Variants in SLC39A8 observed in about 807,000 individuals in gnomAD.
The protein encoded by SLC39A8 is metal cation symporter ZIP8.
In SLC39A8, 15 loss-of-function variants were observed where a neutral mutation model predicts 40.4. The ratio of observed to expected loss-of-function variants is 0.37; its 90% CI spans 0.25 to 0.57. SLC39A8 has a LOEUF of 0.57. SLC39A8 is among the 20% of genes least tolerant of loss of function. SLC39A8 has a pLI of 0.75. For synonymous variants in SLC39A8, 223 were observed against 221.6 expected, an observed-to-expected ratio of 1.01 and a Z score of -0.06; for missense variants, 472 against 558.8, an observed-to-expected ratio of 0.84 and a Z score of 1.57.
chr4:102,332,534 G>A (rs1735510659), intron 2 of SLC39A8, among the ~76,000 whole-genome samples: 1 of 152,224 alleles, frequency 6.6e-6, no homozygotes, highest in Non-Finnish European at 1.5e-5. Flanking sequence ...GAGAGGATGT[G>A]GAGAAATGGG....
intron 2 of SLC39A8, among the ~76,000 whole-genome samples, chr4:102,334,314 T>C (rs775244063): frequency 6.6e-6 from 1 of 152,230 alleles, no homozygotes; most frequent in Non-Finnish European, 1.5e-5. Context: ...CAGAAAAATC[T>C]GGGGACTTTG....
At chr4:102,314,659 G>T (rs753136363) in intron 3 of SLC39A8, among the ~76,000 whole-genome samples, 1 of 152,046 alleles carries the variant, frequency 6.6e-6, no homozygotes, top group Non-Finnish European at 1.5e-5. Context: ...CACTAGAGAC[G>T]ACCTTGCTGT....
chr4:102,332,165 T>C (rs1415237792), intron 2 of SLC39A8, among the ~76,000 whole-genome samples: 2 of 151,960 alleles, frequency 1.3e-5, no homozygotes, highest in Non-Finnish European at 2.9e-5. Context: ...AATTGACAAA[T>C]GGGATCTAAT....
rs1731903715 is a variant in SLC39A8 at position 102,262,403 on chromosome 4, T to C, written c.*641A>G. ...TAGCGATAAGCCTCTAAGCCTGAAC[T>C]TAGCAGGGCTAGCAAAACTTTATTT... On this transcript the variant is annotated 3_prime_UTR_variant, in exon 9 of 9. Transcript: ENST00000356736. 2 of 985,420 alleles carry C rather than the reference T, an allele frequency of 2.0e-6. No homozygotes were observed. Among genetic ancestry groups the C allele is most frequent in the East Asian group, 1.1e-4 (1 of 8,946 alleles). 61.0% of individuals were successfully genotyped at this position (985,420 alleles called of 1,614,324 possible).
chr4:102,294,348 A>G (rs1733590762), intron 6 of SLC39A8, among the ~76,000 whole-genome samples: 2 of 152,126 alleles, frequency 1.3e-5, no homozygotes, highest in South Asian at 4.1e-4. Context: ...GTTTAGCAAG[A>G]ATCCCCTCAT....
At chr4:102,278,164 C>G (rs976157743) in intron 6 of SLC39A8, among the ~76,000 whole-genome samples, 1 of 152,252 alleles carries the variant, frequency 6.6e-6, no homozygotes, top group African/African-American at 2.4e-5. Context: ...AGAGCTTCTG[C>G]ACAGCAAAAG....
chr4:102,283,531 T>A (rs760258339), intron 6 of SLC39A8, among the ~76,000 whole-genome samples: 1 of 136,660 alleles, frequency 7.3e-6, no homozygotes, highest in Non-Finnish European at 1.7e-5. Context: ...TGAGGTGTTC[T>A]GAGGATTGCT....
At chr4:102,312,454 G>C (rs11736123) in intron 3 of SLC39A8, among the ~76,000 whole-genome samples, 46,326 of 151,914 alleles carry the variant, frequency 0.3, 7,352 homozygotes, top group Middle Eastern at 0.47. Flanking sequence ...CTCACACCCT[G>C]CTTCTGACTT....
intron 8 of SLC39A8, among the ~76,000 whole-genome samples, chr4:102,266,757 G>A (rs528377716): frequency 3.9e-5 from 6 of 152,106 alleles, no homozygotes; most frequent in South Asian, 2.1e-4. Flanking sequence ...ACAGGCGCCC[G>A]CCACCACGCC....
chr4:102,262,345 C>G lies in SLC39A8; in HGVS notation c.*699G>C. 2.0e-6 allele frequency: 2 copies of G among 985,534 alleles called. No individual in the cohort carries two copies. The highest frequency in any genetic ancestry group is 2.4e-6 in the Non-Finnish European group (2 of 829,914). 61.0% of individuals were successfully genotyped at this position (985,534 alleles called of 1,614,324 possible). A position where few individuals can be genotyped will look rare whatever the true frequency, so the allele number is the denominator to read the frequency against. ...AACATAAGTCAGAAAAAAAGCTATC[C>G]AGCTTTTCGTGGAATCTGGTGAAGT... On this transcript the variant is annotated 3_prime_UTR_variant, in exon 9 of 9. Coordinates refer to ENST00000356736, the MANE Select transcript of SLC39A8 (RefSeq NM_001135146.2).
intron 11 of SLC39A8, among the ~76,000 whole-genome samples, chr4:102,255,745 C>G (rs369891433): frequency 2.0e-4 from 31 of 152,264 alleles, no homozygotes; most frequent in African/African-American, 7.2e-4. Flanking sequence ...AACAGAAGTG[C>G]ATTACTCCAA....
intron 2 of SLC39A8, among the ~76,000 whole-genome samples, chr4:102,320,179 A>ATATATATATATG (rs1206664127): frequency 2.0e-5 from 2 of 99,802 alleles, no homozygotes; most frequent in African/African-American, 3.2e-5. Context: ...ATATATATAT[A>ATATATATATATG]TATATATATA....
In SLC39A8 at chr4:102,263,246, A is replaced by G. The variant is rs1731948670; in HGVS notation, c.1234-53T>C. 2.0e-6 allele frequency: 3 copies of G among 1,530,226 alleles called. No homozygotes were observed. The South Asian group carries it at 3.4e-5, about 17-fold the overall frequency. 94.8% of individuals were successfully genotyped at this position (1,530,226 alleles called of 1,614,324 possible). On this transcript the variant is annotated intron_variant, in intron 8 of 8. Coordinates refer to ENST00000356736, the MANE Select transcript of SLC39A8 (RefSeq NM_001135146.2). Reference sequence around the variant, plus strand: ...CTGTTGCCATCTTGTGGCAAACCACAAAACAGTCACTTAGAGGCATACCTT... The same window carrying G: ...CTGTTGCCATCTTGTGGCAAACCACGAAACAGTCACTTAGAGGCATACCTT...
intron 2 of SLC39A8, among the ~76,000 whole-genome samples, chr4:102,328,602 A>T (rs936053090): frequency 3.9e-5 from 6 of 152,254 alleles, no homozygotes; most frequent in African/African-American, 1.4e-4. Context: ...TCATTCAACA[A>T]ATATTTCTTG....
chr4:102,284,721 CA>C (rs1327337229), intron 6 of SLC39A8, among the ~76,000 whole-genome samples: 3 of 151,548 alleles, frequency 2.0e-5, no homozygotes, highest in East Asian at 3.9e-4. Flanking sequence ...ATAAAAATTA[CA>C]AAAAAAATAC....
chr4:102,282,341 T>C (rs1411066486), intron 6 of SLC39A8, among the ~76,000 whole-genome samples: 3 of 152,222 alleles, frequency 2.0e-5, no homozygotes, highest in African/African-American at 7.2e-5. Flanking sequence ...ATGAAGCATG[T>C]ATTCCAGTCT....
In SLC39A8 at chr4:102,344,531, C is replaced by T; in HGVS notation, c.132G>A (p.Ser44=). ...LSVFGANLSL[S]AAQLQHLLEQ... Reference sequence around the variant, plus strand: ...CCAGCAAGTGCTGGAGCTGCGCCGCCGACAGGCTCAGATTCGCGCCGAACA... The same window carrying T: ...CCAGCAAGTGCTGGAGCTGCGCCGCTGACAGGCTCAGATTCGCGCCGAACA... Residue 44 remains serine, a synonymous_variant, in exon 2 of 9, where the codon TCG becomes TCA. Coordinates refer to ENST00000356736, the MANE Select transcript of SLC39A8 (RefSeq NM_001135146.2). The T allele has an allele frequency of 3.8e-6, 6 of 1,559,270 alleles. No individual in the cohort carries two copies. The highest frequency in any genetic ancestry group is 5.2e-6 in the Non-Finnish European group (6 of 1,151,698).
At chr4:102,341,731 TA>T (rs1735955274) in intron 2 of SLC39A8, among the ~76,000 whole-genome samples, 1 of 152,226 alleles carries the variant, frequency 6.6e-6, no homozygotes, top group African/African-American at 2.4e-5. Context: ...GCTAATTTAG[TA>T]GTCCTTACTT....
intron 2 of SLC39A8, among the ~76,000 whole-genome samples, chr4:102,326,893 A>G (rs575634565): frequency 2.6e-5 from 4 of 152,202 alleles, no homozygotes; most frequent in East Asian, 1.9e-4. Context: ...GGTTGTTTCT[A>G]CTGATGCATC....
Sources: allele counts gnomAD v4.1 joint callset (sites outside exome capture counted in the v4.1 genomes callset), GRCh38; gene constraint gnomAD v4.1.1; transcripts MANE v1.5; gene names NCBI Gene and HGNC (gene_info 2026-07-23, HGNC 2026-07-21).